The following TAFA1 variants were observed in gnomAD, a reference collection of about 807,000 sequenced individuals.
TAFA1 encodes the protein TAFA chemokine like family member 1, also known as chemokine-like protein TAFA-1.
TAFA1 carries 4 observed loss-of-function variants against 18.5 expected under a neutral mutation model. The ratio of observed to expected loss-of-function variants is 0.22; its 90% CI spans 0.11 to 0.49. The LOEUF is 0.49. Among genes scored for constraint, TAFA1 ranks in the 20% least tolerant of loss-of-function variants. The pLI is 0.98. For missense variants in TAFA1, 147 were observed against 169.0 expected (o/e 0.87, Z 0.72); for synonymous variants, 56 against 55.2 (o/e 1.01, Z -0.06).
chr3:68,088,097 T>C (rs2064992135), intron 2 of TAFA1, among the ~76,000 whole-genome samples: 2 of 152,170 alleles, frequency 1.3e-5, no homozygotes, highest in Admixed American at 6.5e-5. Context: ...TTATCATCAG[T>C]GACAAGGTTA....
chr3:68,415,490 G>A (rs961836906), intron 2 of TAFA1, among the ~76,000 whole-genome samples: 7 of 152,162 alleles, frequency 4.6e-5, no homozygotes, highest in African/African-American at 1.7e-4. Context: ...GTGTTGGAGT[G>A]AGGAGGTTGG....
In TAFA1 at chr3:68,456,653, G is replaced by T. The variant is rs749649291; in HGVS notation, c.259+39233G>T. 2.0e-5 allele frequency among the ~76,000 whole-genome samples: 3 copies of T among 152,078 alleles called. 1 individual carries two copies. Among genetic ancestry groups the T allele is most frequent in the Non-Finnish European group, 4.4e-5 (3 of 68,020 alleles). ...TCTCAAATCACATTGGAGTCTATGG[G>T]TATGGCTTTCTTATAGCAATCTTGC... is the stretch of plus-strand genomic sequence containing the variant. On this transcript the variant is annotated intron_variant, in intron 3 of 4. Transcript: ENST00000478136.
At chr3:68,000,609 A>T (rs1704273225), upstream of TAFA1, among the ~76,000 whole-genome samples, 1 of 152,224 alleles carries the variant, frequency 6.6e-6, no homozygotes, top group East Asian at 1.9e-4. Context: ...GTGGGAAACT[A>T]TTGAAAGGCT....
intron 2 of TAFA1, among the ~76,000 whole-genome samples, chr3:68,274,120 T>C (rs978712421): frequency 2.6e-5 from 4 of 152,202 alleles, no homozygotes; most frequent in Non-Finnish European, 4.4e-5. Context: ...CATTATCTTT[T>C]CTGTTTTACG....
chr3:68,474,594 T>C (rs2106957223), intron 3 of TAFA1, among the ~76,000 whole-genome samples: 1 of 152,326 alleles, frequency 6.6e-6, no homozygotes, highest in Non-Finnish European at 1.5e-5. Flanking sequence ...AATGCAGTGG[T>C]TGTCAAAAGA....
chr3:68,053,482 A>G (rs1428081497), intron 2 of TAFA1, among the ~76,000 whole-genome samples: 2 of 151,958 alleles, frequency 1.3e-5, no homozygotes, highest in African/African-American at 4.8e-5. Context: ...CCTACTAGAT[A>G]CTCTCTTTAC....
intron 3 of TAFA1, among the ~76,000 whole-genome samples, chr3:68,509,893 G>T (rs561663105): frequency 3.5e-4 from 54 of 152,232 alleles, no homozygotes; most frequent in Non-Finnish European, 3.1e-4. Context: ...GATCCATTTT[G>T]CTGAGGCAAC....
intron 2 of TAFA1, among the ~76,000 whole-genome samples, chr3:68,329,216 C>CT (rs10681423): frequency 0.058 from 5,152 of 88,872 alleles, 241 homozygotes; most frequent in East Asian, 0.24. Context: ...GCCTGGCTGC[C>CT]TTTTTTTTTT....
chr3:68,016,420 C>G (rs563590760), intron 2 of TAFA1, among the ~76,000 whole-genome samples: 1 of 152,164 alleles, frequency 6.6e-6, no homozygotes, highest in East Asian at 1.9e-4. Context: ...TATAGGTAAA[C>G]TTGTGTCATG....
chr3:68,452,051 G>A (rs559639149), intron 3 of TAFA1, among the ~76,000 whole-genome samples: 1 of 152,284 alleles, frequency 6.6e-6, no homozygotes, highest in African/African-American at 2.4e-5. Context: ...AAGGCCAAGA[G>A]AGGGGAGGAT....
chr3:68,262,143 C>T (rs967233268), intron 2 of TAFA1, among the ~76,000 whole-genome samples: 8 of 151,080 alleles, frequency 5.3e-5, no homozygotes, highest in African/African-American at 7.3e-5. Flanking sequence ...ACCAAAATAC[C>T]GTCCAATTTA....
intron 2 of TAFA1, among the ~76,000 whole-genome samples, chr3:68,356,392 G>A (rs1042617230): frequency 4.6e-5 from 7 of 151,790 alleles, no homozygotes; most frequent in South Asian, 2.1e-4. Context: ...ACAAGGCAGC[G>A]TACACGGATG....
At chr3:68,181,269 G>A (rs2066195886) in intron 2 of TAFA1, among the ~76,000 whole-genome samples, 1 of 151,314 alleles carries the variant, frequency 6.6e-6, no homozygotes, top group Admixed American at 6.6e-5. Context: ...CTGATCTGTA[G>A]AAACTGTGTC....
intron 2 of TAFA1, among the ~76,000 whole-genome samples, chr3:68,366,012 G>GGA (rs1559635541): frequency 6.7e-6 from 1 of 149,664 alleles, no homozygotes; most frequent in African/African-American, 2.5e-5. Context: ...TTGAACCCCA[G>GGA]GAGGCAGAGG....
At position 68,399,712 on chromosome 3, in the gene TAFA1, T is replaced by C. The variant is rs1575834665; in HGVS notation, c.119-17568T>C. On this transcript the variant is annotated intron_variant, in intron 2 of 4. Coordinates refer to ENST00000478136, the MANE Select transcript of TAFA1 (RefSeq NM_213609.4). The stretch of plus-strand genomic sequence containing the variant: ...ACTGTGTTCTAGGCACTGTGCTAAA[T>C]GCTTTATGCACATTTTTATTATTCA... Among the ~76,000 whole-genome samples, 3 of 152,332 alleles carry C rather than the reference T, an allele frequency of 2.0e-5. 1 individual carries two copies. The highest frequency in any genetic ancestry group is 6.5e-5 in the Admixed American group (1 of 15,288).
intron 2 of TAFA1, among the ~76,000 whole-genome samples, chr3:68,014,717 G>A (rs1311216252): frequency 3.9e-5 from 6 of 152,242 alleles, no homozygotes; most frequent in East Asian, 1.9e-4. Context: ...ATGTAAAAAA[G>A]CATTCTGCTA....
chr3:68,370,470 G>GTATATATATATATATA (rs2069675173), intron 2 of TAFA1, among the ~76,000 whole-genome samples: 2 of 31,162 alleles, frequency 6.4e-5, no homozygotes, highest in South Asian at 1.1e-3. Flanking sequence ...GTGTGTGTGT[G>GTATATATATATATATA]TGTATATATA....
At chr3:68,450,341 A>C (rs973290254) in intron 3 of TAFA1, among the ~76,000 whole-genome samples, 2 of 152,220 alleles carry the variant, frequency 1.3e-5, no homozygotes, top group African/African-American at 2.4e-5. Flanking sequence ...CTGGAGATAA[A>C]GTTGGGACAT....
At chr3:68,493,306 C>A (rs928143889) in intron 3 of TAFA1, among the ~76,000 whole-genome samples, 10 of 152,058 alleles carry the variant, frequency 6.6e-5, no homozygotes, top group African/African-American at 2.4e-4. Context: ...ATCTATGTTG[C>A]GGCATGGGTT....
Sources: allele counts gnomAD v4.1 joint callset (sites outside exome capture counted in the v4.1 genomes callset), GRCh38; gene constraint gnomAD v4.1.1; transcripts MANE v1.5; gene names NCBI Gene and HGNC (gene_info 2026-07-23, HGNC 2026-07-21).